Variants in SLC16A3 observed in about 807,000 individuals in gnomAD.
The protein encoded by SLC16A3 is solute carrier family 16 member 3.
A neutral mutation model predicts 25.0 loss-of-function variants in SLC16A3; 22 were observed. That is an observed-to-expected ratio of 0.88 (90% CI 0.63 to 1.26). The LOEUF (loss-of-function observed/expected upper bound fraction) is 1.26, where lower values mean the gene tolerates loss of function less well. Among genes scored for constraint, SLC16A3 ranks in the 50% most tolerant of loss-of-function variants. SLC16A3 has a pLI of 0.00. For missense variants in SLC16A3, 731 were observed against 666.6 expected (o/e 1.10, Z -1.06); for synonymous variants, 390 against 309.2 (o/e 1.26, Z -2.74).
At chr17:82,226,426 G>A (rs1386268456), upstream of SLC16A3, among the ~76,000 whole-genome samples, 2 of 152,136 alleles carry the variant, frequency 1.3e-5, no homozygotes, top group Non-Finnish European at 2.9e-5. Flanking sequence ...GGGGTGCAGA[G>A]ATGCGGACAC....
upstream of SLC16A3, among the ~76,000 whole-genome samples, chr17:82,223,696 G>A (rs1305059137): frequency 6.6e-6 from 1 of 151,810 alleles, no homozygotes; most frequent in Admixed American, 6.6e-5. Context: ...GTATTTTTTG[G>A]TAGAAATTCG....
chr17:82,219,456 C>T (rs1031644999), intron 1 of SLC16A3, among the ~76,000 whole-genome samples: 3 of 152,108 alleles, frequency 2.0e-5, no homozygotes, highest in Non-Finnish European at 4.4e-5. Context: ...ACTTGCAGGC[C>T]GTGGGGGCTC....
rs756038791 is a variant in SLC16A3, at chr17:82,237,571, C to T, written c.801C>T (p.Leu267=). The change falls in exon 4 of 5, where the codon CTC becomes CTT. Residue 267 remains leucine (L), a synonymous_variant. Transcript: ENST00000582743. ...GVPDTKAAFL[L]TILGFIDIFA... ...CCGACACCAAGGCCGCCTTCCTGCT[C>T]ACCATCCTGGGCTTCATTGACATCT... The T allele has an allele frequency of 4.2e-5, 68 of 1,611,696 alleles. 3 individuals are homozygous for T. The South Asian group carries it at 7.2e-4, about 17-fold the overall frequency.
chr17:82,224,133 C>T (rs1320874176), upstream of SLC16A3, among the ~76,000 whole-genome samples: 4 of 115,930 alleles, frequency 3.5e-5, no homozygotes, highest in Admixed American at 7.9e-5. Context: ...TACACCCGTG[C>T]ACAGACACCT....
In SLC16A3 at chr17:82,238,848, G is replaced by T. The variant is rs767445875; in HGVS notation, c.1270G>T (p.Ala424Ser). 6.2e-7 allele frequency: 1 copy of T among 1,612,500 alleles called. No individual in the cohort carries two copies. Among genetic ancestry groups the T allele is most frequent in the East Asian group, 2.2e-5 (1 of 44,866 alleles). ...AGAGCCACAGCCTGAGGTGGCGGCC[G>T]CGGAGGAGGAGAAGCTCCACAAGCC... ...PKEPQPEVAAAEEEKLHKPPA... is the reference protein window; with the variant it reads ...PKEPQPEVAASEEEKLHKPPA... Residue 424 changes from alanine to serine, a missense_variant, in exon 5 of 5, where the codon GCG (alanine) becomes TCG (serine). By Grantham distance (99) the Ala-to-Ser change is moderately conservative. Coordinates refer to ENST00000582743, the MANE Select transcript of SLC16A3 (RefSeq NM_004207.4).
rs994636396 is a variant in SLC16A3 at position 82,236,472 on chromosome 17, C to G, written c.223+241C>G. Reference sequence around the variant, plus strand: ...GGTCGGCTGTATTTATAGACCGTCTCAGAGGACAGGCTCCTGAGAGCCGTT... The same window carrying G: ...GGTCGGCTGTATTTATAGACCGTCTGAGAGGACAGGCTCCTGAGAGCCGTT... On this transcript the variant is annotated intron_variant, in intron 2 of 4. Coordinates refer to ENST00000582743, the MANE Select transcript of SLC16A3 (RefSeq NM_004207.4). 1.2e-4 allele frequency: 73 copies of G among 628,812 alleles called. 1 individual carries two copies. Among genetic ancestry groups the G allele is most frequent in the South Asian group, 8.8e-4 (45 of 51,046 alleles). 39.0% of individuals were successfully genotyped at this position (628,812 alleles called of 1,614,324 possible).
chr17:82,232,658 C>T (rs2050516250), intron 1 of SLC16A3, among the ~76,000 whole-genome samples: 2 of 152,328 alleles, frequency 1.3e-5, no homozygotes, highest in East Asian at 3.9e-4. Context: ...CCTTGCAGAG[C>T]CCTGCGCCCT....
In SLC16A3 at chr17:82,237,420, T is replaced by G. The variant is rs777458280; in HGVS notation, c.650T>G (p.Leu217Arg). 1 of 1,578,062 alleles carries G rather than the reference T, an allele frequency of 6.3e-7. No homozygotes were observed. The highest frequency in any genetic ancestry group is 1.1e-5 in the South Asian group (1 of 88,096). ...GGGCCGCCGCGACCCTCCCGGCGCC[T>G]GCTAGACCTGAGCGTCTTCCGGGAC... Reference protein sequence around the residue: ...GSGPPRPSRRLLDLSVFRDRG... With the variant: ...GSGPPRPSRRRLDLSVFRDRG... Residue 217 changes from leucine to arginine, a missense_variant, in exon 4 of 5, where the codon CTG (leucine) becomes CGG (arginine). Physicochemically the swap from Leu to Arg is moderately radical, Grantham distance 102 (BLOSUM62 -2). Transcript: ENST00000582743.
At chr17:82,232,918 C>CAGG (rs530479437) in intron 1 of SLC16A3, among the ~76,000 whole-genome samples, 1 of 47,210 alleles carries the variant, frequency 2.1e-5, no homozygotes, top group African/African-American at 7.2e-5. Context: ...TGGGGGGCGG[C>CAGG]GGGGGGGGGG....
At chr17:82,234,279 C>T (rs1222028570) in intron 1 of SLC16A3, 2 of 138,082 alleles carry the variant, frequency 1.4e-5, no homozygotes, top group African/African-American at 6.1e-5. Context: ...GTGGTGTGTC[C>T]TGAGGCGTGC....
chr17:82,233,108 A>G (rs968070930), intron 1 of SLC16A3, among the ~76,000 whole-genome samples: 1 of 152,080 alleles, frequency 6.6e-6, no homozygotes, highest in Admixed American at 6.5e-5. Context: ...AGTGTGGGCC[A>G]TTATTTTGTG....
chr17:82,232,938 G>A (rs1474177554), intron 1 of SLC16A3, among the ~76,000 whole-genome samples: 2 of 134,048 alleles, frequency 1.5e-5, no homozygotes, highest in African/African-American at 5.3e-5. Context: ...GTTGGTAAAT[G>A]TCAGGGGAAG....
chr17:82,226,381 G>T (rs1429387097), upstream of SLC16A3, among the ~76,000 whole-genome samples: 1 of 152,186 alleles, frequency 6.6e-6, no homozygotes, highest in Non-Finnish European at 1.5e-5. Flanking sequence ...GTTGGAGCCA[G>T]GTGTGGGGTG....
At position 82,236,137 on chromosome 17, in the gene SLC16A3, T is replaced by C. The variant is rs975921907; in HGVS notation, c.129T>C (p.Ser43=). Residue 43 remains serine, a synonymous_variant, in exon 2 of 5, where the codon AGT becomes AGC. Coordinates refer to ENST00000582743, the MANE Select transcript of SLC16A3 (RefSeq NM_004207.4). ...GFSYAFPKAV[S]VFFKELIQEF... ...CCTACGCCTTCCCCAAGGCCGTCAG[T>C]GTCTTCTTCAAGGAGCTCATACAGG... 8.7e-6 allele frequency: 14 copies of C among 1,613,148 alleles called. No homozygotes were observed. The highest frequency in any genetic ancestry group is 2.2e-5 in the South Asian group (2 of 91,092).
chr17:82,224,769 A>G (rs2050411823), upstream of SLC16A3, among the ~76,000 whole-genome samples: 1 of 150,126 alleles, frequency 6.7e-6, no homozygotes, highest in South Asian at 2.1e-4. Context: ...GACGCACCCC[A>G]ACACCTGTGC....
chr17:82,218,684 C>T (rs533974079), intron 1 of SLC16A3, among the ~76,000 whole-genome samples: 11 of 152,252 alleles, frequency 7.2e-5, no homozygotes, highest in Non-Finnish European at 1.2e-4. Context: ...GACAGAGGCC[C>T]GGCCAGGGCT....
upstream of SLC16A3, among the ~76,000 whole-genome samples, chr17:82,225,780 G>A (rs2050418005): frequency 1.3e-5 from 2 of 152,200 alleles, no homozygotes; most frequent in Non-Finnish European, 2.9e-5. Flanking sequence ...CAAGGACGCA[G>A]GATGTGGGCT....
At chr17:82,223,331 T>C (rs1298056396) in intron 1 of SLC16A3, among the ~76,000 whole-genome samples, 1 of 152,106 alleles carries the variant, frequency 6.6e-6, no homozygotes, top group African/African-American at 2.4e-5. Context: ...TACCGGCATG[T>C]GCCATGACGC....
rs760345949 is a variant in SLC16A3 at position 82,237,623 on chromosome 17, G to C, written c.853G>C (p.Ala285Pro). The change falls in exon 4 of 5, where the codon GCG becomes CCG. Residue 285 changes from alanine (A) to proline (P), a missense_variant. Ala to Pro is a conservative substitution (Grantham distance 27). Transcript: ENST00000582743. ...CGCGCGGCCGGCCGCGGGCTTCGTGGCGGGGCTTGGGAAGGTGCGGCCCTA... is the reference window on the plus strand; with the variant it reads ...CGCGCGGCCGGCCGCGGGCTTCGTGCCGGGGCTTGGGAAGGTGCGGCCCTA... ...IFARPAAGFV[A>P]GLGKVRPYSV... 6.2e-7 allele frequency: 1 copy of C among 1,612,932 alleles called. No individual in the cohort carries two copies. Among genetic ancestry groups the C allele is most frequent in the South Asian group, 1.1e-5 (1 of 91,078 alleles).
Sources: allele counts gnomAD v4.1 joint callset (sites outside exome capture counted in the v4.1 genomes callset), GRCh38; gene constraint gnomAD v4.1.1; transcripts MANE v1.5; gene names NCBI Gene and HGNC (gene_info 2026-07-23, HGNC 2026-07-21).